The following ITPR2 variants were observed in gnomAD, a reference collection of about 807,000 sequenced individuals.
The protein encoded by ITPR2 is inositol 1,4,5-trisphosphate receptor type 2.
ITPR2 carries 207 observed loss-of-function variants against 317.1 expected under a neutral mutation model. That is an observed-to-expected ratio of 0.65 (90% CI 0.58 to 0.73). The LOEUF (loss-of-function observed/expected upper bound fraction) is 0.73, where lower values mean the gene tolerates loss of function less well. Among genes scored for constraint, ITPR2 ranks in the 30% least tolerant of loss-of-function variants. The probability of loss-of-function intolerance (pLI) is 0.00; values close to 1 mark genes in which losing one functional copy is unlikely to be tolerated. For missense variants in ITPR2, 2,613 were observed against 3,284.0 expected (o/e 0.80, Z 4.99); for synonymous variants, 1,156 against 1,149.1 (o/e 1.01, Z -0.12).
At position 26,335,610 on chromosome 12, in the gene ITPR2, T is replaced by C. The variant is rs911412289; in HGVS notation, c.*3787A>G. 1.3e-4 allele frequency among the ~76,000 whole-genome samples: 20 copies of C among 152,240 alleles called. No homozygotes were observed. The highest frequency in any genetic ancestry group is 2.2e-4 in the Non-Finnish European group (15 of 68,028). On this transcript the variant is annotated 3_prime_UTR_variant, in exon 57 of 57. Transcript: ENST00000381340. ...ACGTTAGGCTATCTGGTTTTGATAG[T>C]GCGTGTTTTCTTCTATTAAGTGAGA... is the stretch of plus-strand genomic sequence containing the variant.
At chr12:26,696,575 CA>C (rs1347364277) in intron 9 of ITPR2, among the ~76,000 whole-genome samples, 1 of 151,196 alleles carries the variant, frequency 6.6e-6, no homozygotes, top group Admixed American at 6.6e-5. Context: ...AAAATGAAAG[CA>C]AAAAAAATCC....
intron 34 of ITPR2, among the ~76,000 whole-genome samples, chr12:26,572,944 T>C (rs1269662011): frequency 6.6e-6 from 1 of 151,942 alleles, no homozygotes; most frequent in East Asian, 1.9e-4. Context: ...GACAGGACTT[T>C]TGGGGCAACA....
intron 18 of ITPR2, among the ~76,000 whole-genome samples, chr12:26,657,077 C>T (rs139538265): frequency 9.2e-5 from 14 of 152,322 alleles, no homozygotes; most frequent in East Asian, 7.7e-4. Context: ...GAGCACAAAG[C>T]GTCATCTGTC....
intron 55 of ITPR2, among the ~76,000 whole-genome samples, chr12:26,377,702 G>A (rs1939385331): frequency 6.6e-6 from 1 of 152,198 alleles, no homozygotes; most frequent in African/African-American, 2.4e-5. Flanking sequence ...AGGAAAATCT[G>A]GATTTGCATC....
At chr12:26,830,241 A>G (rs1951079465) in intron 1 of ITPR2, among the ~76,000 whole-genome samples, 1 of 152,212 alleles carries the variant, frequency 6.6e-6, no homozygotes, top group South Asian at 2.1e-4. Context: ...TTCACCTTAG[A>G]ATCTAGCAGC....
At chr12:26,741,566 C>T (rs1949229356) in intron 2 of ITPR2, among the ~76,000 whole-genome samples, 1 of 152,044 alleles carries the variant, frequency 6.6e-6, no homozygotes, top group Admixed American at 6.5e-5. Flanking sequence ...AAAGTCAAGG[C>T]ATTACAAAGT....
chr12:26,435,656 AGTTT>A (rs1270185683), intron 48 of ITPR2, among the ~76,000 whole-genome samples: 2 of 152,184 alleles, frequency 1.3e-5, no homozygotes, highest in African/African-American at 4.8e-5. Flanking sequence ...TTGTATTATT[AGTTT>A]AATAATAGTT....
At chr12:26,817,195 AAAAAAAAG>A (rs1950872361) in intron 1 of ITPR2, among the ~76,000 whole-genome samples, 1 of 150,934 alleles carries the variant, frequency 6.6e-6, no homozygotes, top group South Asian at 2.1e-4. Flanking sequence ...AAAAAAAAAA[AAAAAAAAG>A]GGCAGTACGA....
intron 9 of ITPR2, among the ~76,000 whole-genome samples, chr12:26,704,740 T>C (rs1393444236): frequency 6.6e-6 from 1 of 152,180 alleles, no homozygotes; most frequent in East Asian, 1.9e-4. Flanking sequence ...AGAATAATAC[T>C]ATATAATATA....
At position 26,378,667 on chromosome 12, in the gene ITPR2, A is replaced by G. The variant is rs544788528; in HGVS notation, c.7857+8767T>C. Among the ~76,000 whole-genome samples the G allele has an allele frequency of 9.2e-5, 14 of 152,272 alleles. No individual in the cohort carries two copies. In the East Asian group the frequency reaches 2.5e-3, roughly 27 times the overall value. ...GTTATAGTGTGGTCCTGGGAGGGCA[A>G]TGATATTTTATTCTTATTCTTATCA... On this transcript the variant is annotated intron_variant, in intron 55 of 56. Coordinates refer to ENST00000381340, the MANE Select transcript of ITPR2 (RefSeq NM_002223.4).
At chr12:26,745,695 A>C (rs987155092) in intron 2 of ITPR2, among the ~76,000 whole-genome samples, 2 of 152,236 alleles carry the variant, frequency 1.3e-5, no homozygotes, top group Non-Finnish European at 2.9e-5. Context: ...AGAGACAGAA[A>C]GGTAGTTATA....
intron 22 of ITPR2, 109 bp downstream of exon 22, chr12:26,631,757 T>G (rs1288485053): frequency 2.2e-6 from 2 of 892,774 alleles, no homozygotes; most frequent in African/African-American, 1.7e-5. Flanking sequence ...AAAATTATAT[T>G]GATAGCATTT....
chr12:26,422,699 C>T (rs1342064866), intron 49 of ITPR2, among the ~76,000 whole-genome samples: 4 of 152,116 alleles, frequency 2.6e-5, no homozygotes. Context: ...TTCATTTCAT[C>T]TTATTTGGTA....
intron 15 of ITPR2, among the ~76,000 whole-genome samples, chr12:26,660,096 G>A (rs1190924253): frequency 6.6e-6 from 1 of 152,228 alleles, no homozygotes; most frequent in Admixed American, 6.5e-5. Flanking sequence ...CATCTAGGCA[G>A]TGGGAATAGC....
chr12:26,457,454 A>AT (rs1941920143), intron 45 of ITPR2, among the ~76,000 whole-genome samples: 1 of 152,202 alleles, frequency 6.6e-6, no homozygotes, highest in Non-Finnish European at 1.5e-5. Flanking sequence ...AACTGGAAGT[A>AT]TTAGAAGGTG....
At chr12:26,700,907 T>C (rs981765544) in intron 9 of ITPR2, among the ~76,000 whole-genome samples, 1 of 152,202 alleles carries the variant, frequency 6.6e-6, no homozygotes, top group Non-Finnish European at 1.5e-5. Context: ...ATCATGACTC[T>C]CAAGTCTTTA....
At chr12:26,406,438 T>TG (rs1940354802) in intron 52 of ITPR2, 1 of 149,770 alleles carries the variant, frequency 6.7e-6, no homozygotes, top group Non-Finnish European at 1.5e-5. Flanking sequence ...GTTTTTTTTT[T>TG]TTTTTTTTTT....
intron 1 of ITPR2, among the ~76,000 whole-genome samples, chr12:26,826,765 C>T (rs1951015022): frequency 6.6e-6 from 1 of 152,100 alleles, no homozygotes; most frequent in Non-Finnish European, 1.5e-5. Context: ...CACACACACA[C>T]ATATACACAC....
intron 21 of ITPR2, among the ~76,000 whole-genome samples, chr12:26,649,816 GATAGA>G (rs1947203208): frequency 6.7e-6 from 1 of 149,014 alleles, no homozygotes; most frequent in African/African-American, 2.5e-5. Context: ...TAGATAGATA[GATAGA>G]TAGACAGACA....
Sources: gnomAD v4.1 joint callset for allele counts (sites outside exome capture counted in the v4.1 genomes callset) on GRCh38, gnomAD v4.1.1 for gene constraint, MANE v1.5 for transcripts, NCBI Gene and HGNC (gene_info 2026-07-23, HGNC 2026-07-21) for gene names.